FHIP1A: variants seen among roughly 807,000 people sequenced by gnomAD.
The protein encoded by FHIP1A is FHF complex subunit HOOK interacting protein 1A, also known as FHF complex subunit HOOK-interacting protein 1A.
A neutral mutation model predicts 88.6 loss-of-function variants in FHIP1A; 61 were observed. The observed-to-expected ratio is 0.69, with a 90% CI of 0.56 to 0.85. The LOEUF is 0.85. FHIP1A is among the 40% of genes least tolerant of loss of function. The pLI, the probability that FHIP1A is intolerant of heterozygous loss-of-function variation, is 0.00. For missense variants in FHIP1A, 1,154 were observed against 1,273.5 expected, an observed-to-expected ratio of 0.91 and a Z score of 1.43; for synonymous variants, 478 against 496.0, an observed-to-expected ratio of 0.96 and a Z score of 0.48.
chr4:151,426,274 C>G (rs1733371742), intron 1 of FHIP1A, among the ~76,000 whole-genome samples: 1 of 152,046 alleles, frequency 6.6e-6, no homozygotes, highest in South Asian at 2.1e-4. Context: ...AGCTCTCACA[C>G]CAAGATTCTT....
chr4:151,414,813 T>C (rs1301185879), intron 1 of FHIP1A, among the ~76,000 whole-genome samples: 1 of 152,216 alleles, frequency 6.6e-6, no homozygotes, highest in Non-Finnish European at 1.5e-5. Context: ...TCCTACTTCC[T>C]TTCCAATTAT....
chr4:151,412,580 T>TTCCTTCCTTCCTTCCTTCC (rs1199098736), intron 1 of FHIP1A, among the ~76,000 whole-genome samples: 10 of 113,458 alleles, frequency 8.8e-5, no homozygotes, highest in Admixed American at 3.5e-4. Context: ...CTTTCTTTCC[T>TTCCTTCCTTCCTTCCTTCC]TTCTTTCCTT....
chr4:151,420,960 CTT>C (rs1180196807), intron 1 of FHIP1A, among the ~76,000 whole-genome samples: 1 of 152,200 alleles, frequency 6.6e-6, no homozygotes, highest in Non-Finnish European at 1.5e-5. Context: ...AGAAATGAAA[CTT>C]TTATATCATC....
At chr4:151,526,397 C>T (rs867310327) in intron 3 of FHIP1A, among the ~76,000 whole-genome samples, 78 of 151,000 alleles carry the variant, frequency 5.2e-4, no homozygotes, top group African/African-American at 1.7e-3. Context: ...CTGACCCCCC[C>T]ACCTCCCTCC....
chr4:151,662,824 C>A lies in FHIP1A; in HGVS notation c.*70C>A. On this transcript the variant is annotated 3_prime_UTR_variant, in exon 14 of 14. Transcript: ENST00000435205. ...TAGTGTCTTGACTGAATGTTAAATG[C>A]AAAGCTGCTTACAAAGATTTCTACT... 7.7e-7 allele frequency: 1 copy of A among 1,300,420 alleles called. No individual in the cohort carries two copies. The highest frequency in any genetic ancestry group is 1.0e-6 in the Non-Finnish European group (1 of 980,266). 80.6% of individuals were successfully genotyped at this position (1,300,420 alleles called of 1,614,324 possible).
intron 3 of FHIP1A, among the ~76,000 whole-genome samples, chr4:151,505,481 G>C (rs967788442): frequency 1.3e-5 from 2 of 152,190 alleles, no homozygotes; most frequent in African/African-American, 4.8e-5. Context: ...ATGCAAAGGT[G>C]AAGTGGCCAT....
chr4:151,452,480 C>G (rs925979883), intron 1 of FHIP1A, among the ~76,000 whole-genome samples: 8 of 152,232 alleles, frequency 5.3e-5, no homozygotes, highest in African/African-American at 1.9e-4. Context: ...AATTCCAGCA[C>G]TTTGGGAGGC....
rs188532290 is a variant in FHIP1A at position 151,467,779 on chromosome 4, T to C, written c.-248+12971T>C. 1.2e-4 allele frequency among the ~76,000 whole-genome samples: 18 copies of C among 151,814 alleles called. No individual in the cohort carries two copies. In the East Asian group the frequency reaches 3.5e-3, roughly 30 times the overall value. On this transcript the variant is annotated intron_variant, in intron 2 of 13. Transcript: ENST00000435205. Reference sequence around the variant, plus strand: ...TCAATTATAATTGGGTGTTGAACAATGAGAACACATGGACACAGGGAGGGG... The same window carrying C: ...TCAATTATAATTGGGTGTTGAACAACGAGAACACATGGACACAGGGAGGGG...
intron 4 of FHIP1A, among the ~76,000 whole-genome samples, chr4:151,569,315 A>G (rs1037233176): frequency 3.9e-5 from 6 of 152,204 alleles, no homozygotes; most frequent in Admixed American, 2.6e-4. Context: ...GCACTTTGGA[A>G]GGATGAGGCG....
At chr4:151,501,998 G>A (rs537423264) in intron 3 of FHIP1A, among the ~76,000 whole-genome samples, 4 of 151,554 alleles carry the variant, frequency 2.6e-5, no homozygotes, top group African/African-American at 7.2e-5. Flanking sequence ...TGTATGCTGA[G>A]AGAGCTGAAA....
intron 1 of FHIP1A, among the ~76,000 whole-genome samples, chr4:151,433,007 T>G (rs1179586239): frequency 6.6e-6 from 1 of 152,106 alleles, no homozygotes; most frequent in African/African-American, 2.4e-5. Context: ...GTATTACTAA[T>G]GAGCAAAAAT....
intron 1 of FHIP1A, 87 bp downstream of exon 1, chr4:151,409,552 T>G (rs1732517125): frequency 6.5e-6 from 1 of 152,780 alleles, no homozygotes; most frequent in African/African-American, 2.4e-5. Flanking sequence ...GAAATGTCCC[T>G]TCTCTGCATC....
intron 3 of FHIP1A, among the ~76,000 whole-genome samples, chr4:151,522,811 G>A (rs922415002): frequency 6.6e-6 from 1 of 152,100 alleles, no homozygotes; most frequent in Non-Finnish European, 1.5e-5. Flanking sequence ...TCTTGGGAGA[G>A]TGAATGCTAA....
At position 151,667,920 on chromosome 4, in the gene FHIP1A, T is replaced by C. The variant is rs1383902065; in HGVS notation, c.*5166T>C. On this transcript the variant is annotated 3_prime_UTR_variant, in exon 14 of 14. Transcript: ENST00000435205. ...TGGAAGCTCTTAGGCCAGATTAAAT[T>C]TCATGGAACGGAGGCTGCAGAAGTC... Among the ~76,000 whole-genome samples the C allele has an allele frequency of 6.6e-6, 1 of 152,172 alleles. No individual in the cohort carries two copies. The highest frequency in any genetic ancestry group is 1.9e-4 in the East Asian group (1 of 5,196).
Position 151,577,842 on chromosome 4 carries a change from C to T in FHIP1A, c.498C>T (p.Leu166=). ...PTVEEKLVVL[L]NQLCSILAKD... Reference sequence around the variant, plus strand: ...TGGAGGAGAAGCTGGTTGTCCTACTCAATCAGCTCTGTTCCATTCTTGCCA... The same window carrying T: ...TGGAGGAGAAGCTGGTTGTCCTACTTAATCAGCTCTGTTCCATTCTTGCCA... Residue 166 remains leucine (L), a synonymous_variant, in exon 5 of 14, where the codon CTC becomes CTT. Coordinates refer to ENST00000435205, the MANE Select transcript of FHIP1A (RefSeq NM_001109977.3). 3 of 1,552,040 alleles carry T rather than the reference C, an allele frequency of 1.9e-6. No homozygotes were observed. Among genetic ancestry groups the T allele is most frequent in the South Asian group, 1.2e-5 (1 of 84,050 alleles).
At position 151,502,319 on chromosome 4, in the gene FHIP1A, AAAACAAACAAACAAAC is replaced by A. The variant is rs70941501; in HGVS notation, c.-123+19692_-123+19707del. Among the ~76,000 whole-genome samples the A allele has an allele frequency of 2.8e-3, 419 of 149,570 alleles. 1 individual carries two copies. The highest frequency in any genetic ancestry group is 9.4e-3 in the African/African-American group (382 of 40,616). On this transcript the variant is annotated intron_variant, in intron 3 of 13. Coordinates refer to ENST00000435205, the MANE Select transcript of FHIP1A (RefSeq NM_001109977.3). The stretch of plus-strand genomic sequence containing the variant: ...GTGATAGAACAAGACCCCATCTCAA[AAAACAAACAAACAAAC>A]AAACAAACAAACAAACAAACTAAAG...
chr4:151,417,104 G>A (rs574444405), intron 1 of FHIP1A, among the ~76,000 whole-genome samples: 2 of 152,158 alleles, frequency 1.3e-5, no homozygotes, highest in East Asian at 3.9e-4. Flanking sequence ...ACAAAGAATT[G>A]GACTAAATGC....
At chr4:151,617,885 TAAAAAA>T (rs969429788) in intron 7 of FHIP1A, among the ~76,000 whole-genome samples, 1 of 151,758 alleles carries the variant, frequency 6.6e-6, no homozygotes, top group Admixed American at 6.6e-5. Flanking sequence ...GACTCTGTCT[TAAAAAA>T]AAGAAAAAGT....
intron 1 of FHIP1A, among the ~76,000 whole-genome samples, chr4:151,413,436 A>C (rs950654110): frequency 6.6e-6 from 1 of 152,174 alleles, no homozygotes; most frequent in African/African-American, 2.4e-5. Flanking sequence ...TATACTGTGT[A>C]CGTATGTATT....
Sources: allele counts gnomAD v4.1 joint callset (sites outside exome capture counted in the v4.1 genomes callset), GRCh38; gene constraint gnomAD v4.1.1; transcripts MANE v1.5; gene names NCBI Gene and HGNC (gene_info 2026-07-23, HGNC 2026-07-21).